Variants in CCDC91 observed in about 807,000 individuals in gnomAD.
CCDC91 encodes coiled-coil domain-containing protein 91.
Under a neutral mutation model 63.2 loss-of-function variants are expected in CCDC91, and 48 were observed. The ratio of observed to expected loss-of-function variants is 0.76; its 90% CI spans 0.60 to 0.97. The LOEUF (loss-of-function observed/expected upper bound fraction) is 0.97. Among genes scored for constraint, CCDC91 ranks in the 50% least tolerant of loss-of-function variants. The pLI is 0.00. For synonymous variants in CCDC91, 167 were observed against 165.8 expected (o/e 1.01, Z -0.06); for missense variants, 500 against 494.6 (o/e 1.01, Z -0.10).
chr12:28,276,470 A>G (rs1948233596), intron 3 of CCDC91, among the ~76,000 whole-genome samples: 1 of 152,028 alleles, frequency 6.6e-6, no homozygotes, highest in Non-Finnish European at 1.5e-5. Flanking sequence ...TGGGAAGGAT[A>G]TAAATTATAT....
At chr12:28,280,193 T>C (rs964891946) in intron 3 of CCDC91, among the ~76,000 whole-genome samples, 1 of 152,170 alleles carries the variant, frequency 6.6e-6, no homozygotes, top group Non-Finnish European at 1.5e-5. Flanking sequence ...GTCATGCTTG[T>C]ATTTTGATAA....
chr12:28,354,656 CT>C (rs1943408788), intron 6 of CCDC91, among the ~76,000 whole-genome samples: 2 of 151,954 alleles, frequency 1.3e-5, no homozygotes, highest in Admixed American at 1.3e-4. Context: ...AGCCATATTC[CT>C]TTTTTTGATC....
chr12:28,441,842 A>T (rs1949242479), intron 8 of CCDC91, among the ~76,000 whole-genome samples: 1 of 151,770 alleles, frequency 6.6e-6, no homozygotes, highest in Non-Finnish European at 1.5e-5. Context: ...TTTTTGGGTA[A>T]TGAAAATATT....
intron 1 of CCDC91, among the ~76,000 whole-genome samples, chr12:28,193,550 A>G (rs11049425): frequency 0.28 from 41,684 of 151,570 alleles, 5,944 homozygotes; most frequent in Non-Finnish European, 0.31. Flanking sequence ...ACAGTGAGCT[A>G]AGATCGTGCC....
intron 1 of CCDC91, among the ~76,000 whole-genome samples, chr12:28,246,100 A>G (rs1945713026): frequency 6.6e-6 from 1 of 152,214 alleles, no homozygotes; most frequent in Non-Finnish European, 1.5e-5. Flanking sequence ...TAATAATATT[A>G]GCAACATAAT....
At chr12:28,533,357 T>C (rs749582288) in intron 12 of CCDC91, among the ~76,000 whole-genome samples, 9 of 152,224 alleles carry the variant, frequency 5.9e-5, no homozygotes, top group Non-Finnish European at 1.2e-4. Flanking sequence ...GTTTCCACAG[T>C]AAATAGTTCT....
intron 12 of CCDC91, among the ~76,000 whole-genome samples, chr12:28,504,470 C>G (rs1230389310): frequency 6.6e-6 from 1 of 151,898 alleles, no homozygotes; most frequent in Non-Finnish European, 1.5e-5. Context: ...ATAGTAATTT[C>G]TAAGCTAAAA....
intron 12 of CCDC91, among the ~76,000 whole-genome samples, chr12:28,537,527 G>A (rs1406626583): frequency 2.0e-5 from 3 of 152,124 alleles, no homozygotes; most frequent in African/African-American, 7.2e-5. Flanking sequence ...TGTAAAGTTG[G>A]TACCTTTATC....
intron 6 of CCDC91, among the ~76,000 whole-genome samples, chr12:28,338,132 A>T (rs1323652299): frequency 6.6e-6 from 1 of 152,118 alleles, no homozygotes; most frequent in African/African-American, 2.4e-5. Context: ...AAAAATGAGG[A>T]ATAATAAGCA....
chr12:28,517,019 T>A (rs1318026100), intron 12 of CCDC91, among the ~76,000 whole-genome samples: 1 of 151,968 alleles, frequency 6.6e-6, no homozygotes, highest in Non-Finnish European at 1.5e-5. Context: ...GAATCTTTGT[T>A]GTGTCAATAC....
chr12:28,320,182 A>T (rs1483019957), intron 6 of CCDC91, among the ~76,000 whole-genome samples: 2 of 151,896 alleles, frequency 1.3e-5, no homozygotes, highest in African/African-American at 4.8e-5. Flanking sequence ...AGGAACATAT[A>T]ATTTGGTAGA....
At chr12:28,289,513 A>G (rs1949092375) in intron 3 of CCDC91, among the ~76,000 whole-genome samples, 1 of 151,700 alleles carries the variant, frequency 6.6e-6, no homozygotes, top group Admixed American at 6.6e-5. Flanking sequence ...TTAGTTTTGA[A>G]TTCTATTTTT....
intron 1 of CCDC91, among the ~76,000 whole-genome samples, chr12:28,200,238 ATTT>A (rs57613241): frequency 3.6e-5 from 5 of 140,164 alleles, no homozygotes; most frequent in Admixed American, 7.1e-5. Flanking sequence ...CTTCTAGTGA[ATTT>A]TTTTTTTTTT....
At chr12:28,228,907 T>C (rs1944429214) in intron 1 of CCDC91, among the ~76,000 whole-genome samples, 1 of 152,180 alleles carries the variant, frequency 6.6e-6, no homozygotes, top group African/African-American at 2.4e-5. Context: ...GTACATTTTG[T>C]ACATATATGA....
intron 1 of CCDC91, among the ~76,000 whole-genome samples, chr12:28,211,386 T>TA: frequency 6.6e-6 from 1 of 152,080 alleles, no homozygotes; most frequent in Admixed American, 6.5e-5. Flanking sequence ...CAGTGCAAAA[T>TA]ACGTGTGACA....
chr12:28,427,248 G>GATATTTATGTGAGATAAAA (rs1948370391), intron 8 of CCDC91, among the ~76,000 whole-genome samples: 1 of 152,084 alleles, frequency 6.6e-6, no homozygotes, highest in Non-Finnish European at 1.5e-5. Context: ...AAAAAGGCTA[G>GATATTTATGTGAGATAAAA]AGCGCGCTGG....
At chr12:28,237,669 C>T (rs1394465331) in intron 1 of CCDC91, among the ~76,000 whole-genome samples, 6 of 152,148 alleles carry the variant, frequency 3.9e-5, no homozygotes, top group African/African-American at 1.4e-4. Context: ...TGATTTCAGC[C>T]CAGTTTGAAC....
intron 3 of CCDC91, among the ~76,000 whole-genome samples, chr12:28,304,375 T>TAAAAAAAAAAAAAAAAAAAAAAAAA (rs777296414): frequency 4.1e-5 from 3 of 73,596 alleles, no homozygotes; most frequent in African/African-American, 1.2e-4. Context: ...AGACTCCGTC[T>TAAAAAAAAAAAAAAAAAAAAAAAAA]AAAAAAAAAA....
chr12:28,319,998 A>G (rs1940318214), intron 6 of CCDC91, among the ~76,000 whole-genome samples: 1 of 151,876 alleles, frequency 6.6e-6, no homozygotes, highest in South Asian at 2.1e-4. Flanking sequence ...CTGTATGCTA[A>G]ATCTTCATAC....
Sources: allele counts gnomAD v4.1 joint callset (sites outside exome capture counted in the v4.1 genomes callset), GRCh38; gene constraint gnomAD v4.1.1; transcripts MANE v1.5; gene names NCBI Gene and HGNC (gene_info 2026-07-23, HGNC 2026-07-21).